The following ROGDI variants were observed in gnomAD, a reference collection of about 807,000 sequenced individuals.
ROGDI encodes protein rogdi homolog.
A neutral mutation model predicts 43.1 loss-of-function variants in ROGDI; 46 were observed. That is an observed-to-expected ratio of 1.07 (90% CI 0.84 to 1.37). The LOEUF (loss-of-function observed/expected upper bound fraction) is 1.37, where lower values mean the gene tolerates loss of function less well. Among genes scored for constraint, ROGDI ranks in the 40% most tolerant of loss-of-function variants. The pLI is 0.00. For missense variants in ROGDI, 518 were observed against 383.9 expected, an observed-to-expected ratio of 1.35 and a Z score of -2.92; for synonymous variants, 243 against 162.0, an observed-to-expected ratio of 1.50 and a Z score of -3.80.
At chr16:4,797,654 G>A in intron 10 of ROGDI, 60 bp downstream of exon 10, 5 of 1,610,012 alleles carry the variant, frequency 3.1e-6, no homozygotes, top group Non-Finnish European at 4.2e-6. Context: ...GGCGCTCTGA[G>A]GGTGTGGCAA....
Position 4,801,589 on chromosome 16 carries a change from T to C in ROGDI, c.118-4A>G, listed in dbSNP as rs774641406. 2.5e-6 allele frequency: 4 copies of C among 1,592,780 alleles called. No individual in the cohort carries two copies. The highest frequency in any genetic ancestry group is 3.4e-6 in the Non-Finnish European group (4 of 1,169,846). ...GAGTGAAGCGCAGAGAGGCCTCCTGTGGAACAGAGGGAAGGAGGGGAGCTG... is the reference window on the plus strand; with the variant it reads ...GAGTGAAGCGCAGAGAGGCCTCCTGCGGAACAGAGGGAAGGAGGGGAGCTG... On this transcript the variant is annotated splice_region_variant and splice_polypyrimidine_tract_variant and intron_variant, in intron 2 of 10. Coordinates refer to ENST00000322048, the MANE Select transcript of ROGDI (RefSeq NM_024589.3).
chr16:4,802,078 C>T, intron 2 of ROGDI: 1 of 622,670 alleles, frequency 1.6e-6, no homozygotes, highest in Non-Finnish European at 3.0e-6. Flanking sequence ...GTCACACTGC[C>T]AGGCAGAGGC....
chr16:4,801,357 AC>A (rs757917795), intron 3 of ROGDI, 36 bp from the exon 4 acceptor site: 37 of 1,586,694 alleles, frequency 2.3e-5, no homozygotes, highest in East Asian at 4.5e-5. Context: ...GCCTGTGGTC[AC>A]CCCCCCACCA....
At chr16:4,802,009 T>C (rs2082732319) in intron 2 of ROGDI, 1 of 576,992 alleles carries the variant, frequency 1.7e-6, no homozygotes, top group African/African-American at 1.8e-5. Flanking sequence ...CGGGTACTGT[T>C]ATCTCCCTTT....
At chr16:4,801,402 G>A (rs971638783) in intron 3 of ROGDI, 81 bp from the exon 4 acceptor site, 45 of 1,560,620 alleles carry the variant, frequency 2.9e-5, no homozygotes, top group Non-Finnish European at 2.4e-5. Flanking sequence ...TGCCCCTCCT[G>A]TCCCATCGCA....
chr16:4,801,875 A>C (rs976426817), intron 2 of ROGDI: 26 of 576,548 alleles, frequency 4.5e-5, no homozygotes, highest in African/African-American at 3.7e-4. Flanking sequence ...GAAAGGGGCA[A>C]GGGGCAGAGT....
chr16:4,799,876 C>A (rs1479837545), intron 5 of ROGDI, 95 bp from the exon 6 acceptor site: 1 of 845,076 alleles, frequency 1.2e-6, no homozygotes, highest in Non-Finnish European at 1.9e-6. Context: ...TCATTCCACT[C>A]TCCACACTGT....
chr16:4,797,504 G>C lies in ROGDI; in HGVS notation c.823-3C>G. 1 of 1,613,208 alleles carries C rather than the reference G, an allele frequency of 6.2e-7. No individual in the cohort carries two copies. Among genetic ancestry groups the C allele is most frequent in the Non-Finnish European group, 8.5e-7 (1 of 1,179,466 alleles). On this transcript the variant is annotated splice_region_variant and splice_polypyrimidine_tract_variant and intron_variant, in intron 10 of 10. Coordinates refer to ENST00000322048, the MANE Select transcript of ROGDI (RefSeq NM_024589.3). ...CAGTAGCTGGAGAACACGGAGATCT[G>C]CAAGGGGAGAGGGTGCTGTAGGTTG...
intron 2 of ROGDI, chr16:4,801,926 G>A (rs777843291): frequency 7.2e-5 from 41 of 566,872 alleles, no homozygotes; most frequent in Non-Finnish European, 6.9e-5. Context: ...GCGGTCCTGG[G>A]CCACAGCAAG....
rs186716489 is a variant in ROGDI at position 4,799,165 on chromosome 16, G to A, written c.433-498C>T. On this transcript the variant is annotated intron_variant, in intron 6 of 10. Coordinates refer to ENST00000322048, the MANE Select transcript of ROGDI (RefSeq NM_024589.3). Reference sequence around the variant, plus strand: ...CAGACTCCTCAGAGCCCCAGCTTTCGTGCCATTCAGCCGTGGCCATGAGTA... The same window carrying A: ...CAGACTCCTCAGAGCCCCAGCTTTCATGCCATTCAGCCGTGGCCATGAGTA... Among the ~76,000 whole-genome samples the A allele has an allele frequency of 4.6e-5, 7 of 152,256 alleles. No individual in the cohort carries two copies. In the East Asian group the frequency reaches 1.2e-3, roughly 25 times the overall value.
intron 6 of ROGDI, 93 bp downstream of exon 6, chr16:4,799,593 C>A: frequency 1.1e-6 from 1 of 901,682 alleles, no homozygotes; most frequent in Admixed American, 2.2e-5. Context: ...GGTTGCACAG[C>A]TCAACGTGGA....
Position 4,797,532 on chromosome 16 carries a change from G to A in ROGDI, c.823-31C>T, listed in dbSNP as rs376709294. 5 of 1,607,112 alleles carry A rather than the reference G, an allele frequency of 3.1e-6. No homozygotes were observed. In the African/African-American group the frequency reaches 5.3e-5, roughly 17 times the overall value. On this transcript the variant is annotated intron_variant, in intron 10 of 10. Coordinates refer to ENST00000322048, the MANE Select transcript of ROGDI (RefSeq NM_024589.3). The stretch of plus-strand genomic sequence containing the variant: ...AGGGGAGAGGGTGCTGTAGGTTGCT[G>A]AAGGGGGATGGGGTAGCCCAGGGGA...
rs551129970 is a variant in ROGDI, at chr16:4,798,125, G to C, written c.591C>G (p.Asn197Lys). The stretch of plus-strand genomic sequence containing the variant: ...GCTGGTACACCGTGAGGCAGAGCTT[G>C]TTGAGGTTGATGTAGACGTTGACCA... ...DLLVNVYINLNKLCLTVYQLH... is the reference protein window; with the variant it reads ...DLLVNVYINLKKLCLTVYQLH... The change falls in exon 8 of 11, where the codon AAC becomes AAG. Residue 197 changes from asparagine (N) to lysine (K), a missense_variant. Coordinates refer to ENST00000322048, the MANE Select transcript of ROGDI (RefSeq NM_024589.3). 3.1e-6 allele frequency: 5 copies of C among 1,614,062 alleles called. 1 individual carries two copies. The African/African-American group carries it at 4.0e-5, about 13-fold the overall frequency.
At position 4,799,671 on chromosome 16, in the gene ROGDI, C is replaced by A. The variant is rs766773718; in HGVS notation, c.432+15G>T. 2 of 1,601,568 alleles carry A rather than the reference C, an allele frequency of 1.2e-6. No individual in the cohort carries two copies. The highest frequency in any genetic ancestry group is 1.7e-6 in the Non-Finnish European group (2 of 1,170,340). On this transcript the variant is annotated intron_variant, in intron 6 of 10. Coordinates refer to ENST00000322048, the MANE Select transcript of ROGDI (RefSeq NM_024589.3). ...GTGGGACTAGGCCCAGGAGTCAGGC[C>A]CGGGGGCAGCTCACCTTGAGGACCT...
intron 5 of ROGDI, 69 bp from the exon 6 acceptor site, chr16:4,799,850 G>T: frequency 1.8e-6 from 2 of 1,095,860 alleles, no homozygotes; most frequent in Non-Finnish European, 2.7e-6. Context: ...AGTGGGTGCT[G>T]CCTGCCTGCC....
At chr16:4,802,183 C>G (rs1567605731) in intron 2 of ROGDI, 199 bp downstream of exon 2, 3 of 649,822 alleles carry the variant, frequency 4.6e-6, no homozygotes, top group South Asian at 3.2e-5. Flanking sequence ...CTAGCACCCT[C>G]GTCGGGACCC....
chr16:4,799,844 G>C, intron 5 of ROGDI, 63 bp from the exon 6 acceptor site: 1 of 1,195,870 alleles, frequency 8.4e-7, no homozygotes, highest in Non-Finnish European at 1.2e-6. Context: ...GGGGAGAGTG[G>C]GTGCTGCCTG....
At chr16:4,802,493 C>G (rs1212453911) in intron 1 of ROGDI, 34 bp downstream of exon 1, 3 of 1,209,834 alleles carry the variant, frequency 2.5e-6, no homozygotes, top group Non-Finnish European at 3.1e-6. Flanking sequence ...GCCCCGCCGC[C>G]CCGCCGGCCC....
Position 4,797,961 on chromosome 16 carries a change from C to T in ROGDI, c.672G>A (p.Val224=), listed in dbSNP as rs759911402. The change falls in exon 9 of 11, where the codon GTG becomes GTA. Residue 224 remains valine, a synonymous_variant. Transcript: ENST00000322048. ...TKNFRPAGGA[V]LHSPGAMFEW... is the part of the protein sequence containing the mutation. Reference sequence around the variant, plus strand: ...ACAACATGGCCCCAGGGCTATGCAGCACCGCGCCCCCAGCTGGGCGGAAGT... The same window carrying T: ...ACAACATGGCCCCAGGGCTATGCAGTACCGCGCCCCCAGCTGGGCGGAAGT... 3 of 1,605,286 alleles carry T rather than the reference C, an allele frequency of 1.9e-6. No individual in the cohort carries two copies. The highest frequency in any genetic ancestry group is 2.2e-5 in the South Asian group (2 of 90,230).
Sources: gnomAD v4.1 joint callset for allele counts (sites outside exome capture counted in the v4.1 genomes callset) on GRCh38, gnomAD v4.1.1 for gene constraint, MANE v1.5 for transcripts, NCBI Gene and HGNC (gene_info 2026-07-23, HGNC 2026-07-21) for gene names.